The following SCHIP1 variants were observed in gnomAD, a reference collection of about 807,000 sequenced individuals.
SCHIP1 encodes the protein schwannomin interacting protein 1.
In SCHIP1, 8 loss-of-function variants were observed where a neutral mutation model predicts 29.7. The observed-to-expected ratio is 0.27, with a 90% CI of 0.16 to 0.49. The LOEUF (loss-of-function observed/expected upper bound fraction) is 0.49, where lower values mean the gene tolerates loss of function less well. Among genes scored for constraint, SCHIP1 ranks in the 20% least tolerant of loss-of-function variants. The probability of loss-of-function intolerance (pLI) is 0.99; values close to 1 mark genes in which losing one functional copy is unlikely to be tolerated. For synonymous variants in SCHIP1, 76 were observed against 94.9 expected (o/e 0.80, Z 1.16); for missense variants, 193 against 294.6 (o/e 0.66, Z 2.52).
the SCHIP1 span, among the ~76,000 whole-genome samples, chr3:159,526,454 C>T: frequency 1.3e-5 from 2 of 152,194 alleles, no homozygotes; most frequent in South Asian, 4.2e-4. Flanking sequence ...CAGGAATGAG[C>T]CACCATACCT....
At chr3:159,572,345 A>AC in the SCHIP1 span, among the ~76,000 whole-genome samples, 1,962 of 151,438 alleles carry the variant, frequency 0.013, 45 homozygotes, top group African/African-American at 0.045. Context: ...GGTTTCAAAG[A>AC]ACATCTTTAT....
chr3:159,306,546 G>A, the SCHIP1 span: 1 of 797,110 alleles, frequency 1.3e-6, no homozygotes. Context: ...TCATGTGTGG[G>A]ATCTAGAATT....
At chr3:159,580,958 G>A in the SCHIP1 span, among the ~76,000 whole-genome samples, 2 of 152,130 alleles carry the variant, frequency 1.3e-5, no homozygotes, top group Non-Finnish European at 2.9e-5. Flanking sequence ...AGGGCATTCT[G>A]AAAAATTGTG....
At chr3:159,293,064 A>G in the SCHIP1 span, among the ~76,000 whole-genome samples, 6 of 152,208 alleles carry the variant, frequency 3.9e-5, no homozygotes, top group African/African-American at 1.4e-4. Flanking sequence ...CTTTGTGTAG[A>G]TTAAAAATAA....
chr3:159,661,782 G>A, the SCHIP1 span, among the ~76,000 whole-genome samples: 2 of 152,094 alleles, frequency 1.3e-5, no homozygotes, highest in Non-Finnish European at 2.9e-5. Flanking sequence ...GGAGGAAAAG[G>A]AGGCTGGGGA....
the SCHIP1 span, among the ~76,000 whole-genome samples, chr3:159,384,940 G>A: frequency 2.6e-5 from 4 of 152,174 alleles, no homozygotes; most frequent in Non-Finnish European, 4.4e-5. Context: ...TTGTATTTCT[G>A]TGGGATCGGT....
the SCHIP1 span, among the ~76,000 whole-genome samples, chr3:159,651,592 C>A: frequency 6.6e-6 from 1 of 152,102 alleles, no homozygotes; most frequent in African/African-American, 2.4e-5. Flanking sequence ...ATAAGTGCAC[C>A]AAAGGTTTGG....
At chr3:159,458,130 A>C in the SCHIP1 span, among the ~76,000 whole-genome samples, 2 of 152,228 alleles carry the variant, frequency 1.3e-5, no homozygotes, top group African/African-American at 4.8e-5. Flanking sequence ...AATCCAAAAG[A>C]AACTTTAAAC....
At chr3:159,275,832 C>A in the SCHIP1 span, among the ~76,000 whole-genome samples, 1 of 152,038 alleles carries the variant, frequency 6.6e-6, no homozygotes, top group East Asian at 1.9e-4. Flanking sequence ...TTCTTTCTTT[C>A]TTTTCTTTTT....
At chr3:159,499,675 G>GAGAT in the SCHIP1 span, among the ~76,000 whole-genome samples, 2 of 152,210 alleles carry the variant, frequency 1.3e-5, no homozygotes, top group African/African-American at 4.8e-5. Flanking sequence ...ATGAGCTACT[G>GAGAT]AGATAGTATT....
chr3:159,282,502 C>T, the SCHIP1 span: 1 of 151,500 alleles, frequency 6.6e-6, no homozygotes, highest in Non-Finnish European at 1.5e-5. Flanking sequence ...ATAAAACCTA[C>T]TTAGTATCCC....
chr3:159,330,819 T>G, the SCHIP1 span, among the ~76,000 whole-genome samples: 1 of 152,206 alleles, frequency 6.6e-6, no homozygotes, highest in Non-Finnish European at 1.5e-5. Context: ...TGGTCCCTAT[T>G]AAGTCTGTCC....
chr3:159,585,963 T>C, the SCHIP1 span, among the ~76,000 whole-genome samples: 1 of 152,048 alleles, frequency 6.6e-6, no homozygotes, highest in East Asian at 1.9e-4. Flanking sequence ...ATTGGATGGA[T>C]GGATGAATGG....
chr3:159,843,822 C>CAAAAAAAA (rs1161141544), intron 1 of SCHIP1, among the ~76,000 whole-genome samples: 2 of 39,992 alleles, frequency 5.0e-5, no homozygotes, highest in African/African-American at 1.0e-4. Context: ...GACTCTGTCT[C>CAAAAAAAA]AAAAAAAAAA....
intron 2 of SCHIP1, among the ~76,000 whole-genome samples, chr3:159,884,923 G>A (rs1275626539): frequency 6.6e-6 from 1 of 152,052 alleles, no homozygotes; most frequent in Non-Finnish European, 1.5e-5. Context: ...GCAGATTGAG[G>A]GAATGGCTGC....
chr3:159,896,073 A>G (rs12106712), intron 6 of SCHIP1, among the ~76,000 whole-genome samples: 3,427 of 150,368 alleles, frequency 0.023, 134 homozygotes, highest in African/African-American at 0.079. Flanking sequence ...AATTGGGGGG[A>G]AAAACATGCA....
intron 6 of SCHIP1, chr3:159,893,012 C>G (rs1717695668): frequency 6.6e-6 from 1 of 152,204 alleles, no homozygotes; most frequent in African/African-American, 2.4e-5. Context: ...CACCTCTTGG[C>G]ACAATGATGT....
chr3:159,754,814 G>A, the SCHIP1 span, among the ~76,000 whole-genome samples: 23 of 152,336 alleles, frequency 1.5e-4, no homozygotes, highest in African/African-American at 5.3e-4. Context: ...AAGAGCTGGG[G>A]TCCAAGTGGT....
chr3:159,344,321 C>CA, the SCHIP1 span, among the ~76,000 whole-genome samples: 51,653 of 126,058 alleles, frequency 0.41, 10,655 homozygotes, highest in Non-Finnish European at 0.5. Context: ...AACTCCATCT[C>CA]AAAAAAAAAA....
Sources: allele counts gnomAD v4.1 joint callset (sites outside exome capture counted in the v4.1 genomes callset), GRCh38; gene constraint gnomAD v4.1.1; transcripts MANE v1.5; gene names NCBI Gene and HGNC (gene_info 2026-07-23, HGNC 2026-07-21).